IPO11: variants seen among roughly 807,000 people sequenced by gnomAD.
The protein encoded by IPO11 is importin 11, also known as importin-11.
Under a neutral mutation model 143.2 loss-of-function variants are expected in IPO11, and 66 were observed. That is an observed-to-expected ratio of 0.46 (90% CI 0.38 to 0.57). The LOEUF (loss-of-function observed/expected upper bound fraction) is 0.57, where lower values mean the gene tolerates loss of function less well. IPO11 is among the 20% of genes least tolerant of loss of function. The probability of loss-of-function intolerance (pLI) is 0.00; values close to 1 mark genes in which losing one functional copy is unlikely to be tolerated. For missense variants in IPO11, 1,026 were observed against 1,141.0 expected (o/e 0.90, Z 1.45); for synonymous variants, 385 against 377.8 (o/e 1.02, Z -0.22).
At chr5:62,506,886 C>G (rs551131568) in intron 19 of IPO11, among the ~76,000 whole-genome samples, 4 of 152,230 alleles carry the variant, frequency 2.6e-5, no homozygotes, top group South Asian at 4.1e-4. Context: ...TTCCTATATT[C>G]TAGTTCACCA....
intron 28 of IPO11, among the ~76,000 whole-genome samples, chr5:62,592,506 A>AT (rs1361578496): frequency 5.9e-5 from 9 of 152,236 alleles, no homozygotes; most frequent in African/African-American, 2.2e-4. Flanking sequence ...CAAACCAAAA[A>AT]CAAGAAAGCA....
chr5:62,622,126 G>C (rs1746400383), intron 29 of IPO11, among the ~76,000 whole-genome samples: 1 of 152,018 alleles, frequency 6.6e-6, no homozygotes, highest in Admixed American at 6.6e-5. Flanking sequence ...AATACCTGTA[G>C]ATGTTTTATT....
At chr5:62,548,633 T>C (rs192087689) in intron 24 of IPO11, among the ~76,000 whole-genome samples, 160 of 152,240 alleles carry the variant, frequency 1.1e-3, no homozygotes, top group African/African-American at 3.6e-3. Flanking sequence ...TTTCAACCAG[T>C]CTTATTTTCT....
At chr5:62,435,092 G>GTGTATA (rs1744132772) in intron 1 of IPO11, among the ~76,000 whole-genome samples, 2 of 58,264 alleles carry the variant, frequency 3.4e-5, no homozygotes, top group Non-Finnish European at 7.4e-5. Flanking sequence ...GTGTATATAT[G>GTGTATA]TATATATGTA....
At chr5:62,550,644 C>CT (rs1265139369) in intron 25 of IPO11, among the ~76,000 whole-genome samples, 182 bp downstream of exon 25, 1 of 152,126 alleles carries the variant, frequency 6.6e-6, no homozygotes, top group Non-Finnish European at 1.5e-5. Flanking sequence ...CATAGATTTT[C>CT]TTTGACATGT....
At chr5:62,576,416 A>G (rs146959991) in intron 27 of IPO11, 1 of 152,226 alleles carries the variant, frequency 6.6e-6, no homozygotes, top group Non-Finnish European at 1.5e-5. Context: ...AAGGTCCATA[A>G]AATCAGTAAC....
At chr5:62,586,800 T>TATATATA (rs1744810792) in intron 27 of IPO11, among the ~76,000 whole-genome samples, 1 of 138,274 alleles carries the variant, frequency 7.2e-6, no homozygotes, top group Non-Finnish European at 1.6e-5. Flanking sequence ...TATATATATA[T>TATATATA]ATTCATGATT....
chr5:62,476,581 A>C, intron 8 of IPO11, 102 bp from the exon 9 acceptor site: 1 of 1,249,820 alleles, frequency 8.0e-7, no homozygotes, highest in Non-Finnish European at 1.1e-6. Flanking sequence ...ATAATGCAAA[A>C]TATGCAAAAA....
chr5:62,489,687 T>C (rs190804689), intron 14 of IPO11, among the ~76,000 whole-genome samples: 2 of 152,214 alleles, frequency 1.3e-5, no homozygotes, highest in East Asian at 1.9e-4. Flanking sequence ...GATGGAGCAA[T>C]AAGTACAAAG....
At chr5:62,598,987 G>A (rs1745398882) in intron 28 of IPO11, among the ~76,000 whole-genome samples, 1 of 152,106 alleles carries the variant, frequency 6.6e-6, no homozygotes, top group Admixed American at 6.5e-5. Flanking sequence ...CATAGAATGG[G>A]GGTTAACAAA....
At chr5:62,474,564 C>G (rs1745890056) in intron 8 of IPO11, 100 bp downstream of exon 8, 2 of 835,116 alleles carry the variant, frequency 2.4e-6, no homozygotes, top group Admixed American at 5.3e-5. Flanking sequence ...TTAATAGATG[C>G]TTATTCATTA....
intron 1 of IPO11, among the ~76,000 whole-genome samples, chr5:62,417,249 T>C (rs1743326294): frequency 6.6e-6 from 1 of 151,406 alleles, no homozygotes; most frequent in Non-Finnish European, 1.5e-5. Context: ...TGTGCCACCA[T>C]GCCCAGCTTA....
intron 29 of IPO11, among the ~76,000 whole-genome samples, chr5:62,624,114 A>AACCTCC (rs1287357354): frequency 6.6e-6 from 1 of 151,702 alleles, no homozygotes; most frequent in Non-Finnish European, 1.5e-5. Context: ...AGCTCACCAC[A>AACCTCC]ACCTCCACCT....
intron 27 of IPO11, among the ~76,000 whole-genome samples, chr5:62,567,380 T>C (rs1743979423): frequency 6.6e-6 from 1 of 151,908 alleles, no homozygotes; most frequent in Non-Finnish European, 1.5e-5. Flanking sequence ...ATATATGTCT[T>C]GGAATCATCT....
intron 15 of IPO11, among the ~76,000 whole-genome samples, chr5:62,492,603 C>T (rs1254185104): frequency 1.3e-5 from 2 of 152,022 alleles, no homozygotes; most frequent in Non-Finnish European, 2.9e-5. Context: ...GAGTGCAGTG[C>T]CATGATGTTG....
chr5:62,612,611 GTTAT>G lies in IPO11; in HGVS notation c.2763+10768_2763+10771del, dbSNP rs549562617. Among the ~76,000 whole-genome samples the G allele has an allele frequency of 1.2e-3, 178 of 152,258 alleles. 1 individual carries two copies. The Middle Eastern group carries it at 0.024, about 20-fold the overall frequency. On this transcript the variant is annotated intron_variant, in intron 29 of 29. Transcript: ENST00000325324. ...AGAGATATTTTTATTTTGAAAAATA[GTTAT>G]TTATAAAAATTATATTAACATGTAA...
intron 20 of IPO11, among the ~76,000 whole-genome samples, chr5:62,518,595 CAG>C (rs1277205229): frequency 6.6e-6 from 1 of 152,112 alleles, no homozygotes; most frequent in Non-Finnish European, 1.5e-5. Context: ...GCCTGGGTGA[CAG>C]AGTGAGACCC....
intron 9 of IPO11, among the ~76,000 whole-genome samples, chr5:62,480,368 A>G (rs969573428): frequency 1.3e-5 from 2 of 152,184 alleles, no homozygotes; most frequent in Non-Finnish European, 2.9e-5. Flanking sequence ...GAAGTCAGGT[A>G]GCATGATGCC....
chr5:62,623,949 C>T (rs1245375297), intron 29 of IPO11, among the ~76,000 whole-genome samples: 1 of 151,766 alleles, frequency 6.6e-6, no homozygotes, highest in East Asian at 1.9e-4. Context: ...TGATTATATG[C>T]TAAACAAAGG....
Sources: gnomAD v4.1 joint callset for allele counts (sites outside exome capture counted in the v4.1 genomes callset) on GRCh38, gnomAD v4.1.1 for gene constraint, MANE v1.5 for transcripts, NCBI Gene and HGNC (gene_info 2026-07-23, HGNC 2026-07-21) for gene names.